ALG8: variants seen among roughly 807,000 people sequenced by gnomAD.
ALG8 encodes dolichyl pyrophosphate Glc1Man9GlcNAc2 alpha-1,3-glucosyltransferase.
Under a neutral mutation model 70.2 loss-of-function variants are expected in ALG8, and 48 were observed. The ratio of observed to expected loss-of-function variants is 0.68; its 90% confidence interval spans 0.54 to 0.87. The LOEUF is 0.87. ALG8 is among the 40% of genes least tolerant of loss of function. ALG8 has a pLI of 0.00. For synonymous variants in ALG8, 234 were observed against 229.0 expected, an observed-to-expected ratio of 1.02 and a Z score of -0.20; for missense variants, 572 against 608.7, an observed-to-expected ratio of 0.94 and a Z score of 0.64.
rs202112771 is a variant in ALG8, at chr11:78,109,441, C to A, written c.1038+1G>T. The A allele has an allele frequency of 1.0e-4, 168 of 1,613,992 alleles. No individual in the cohort carries two copies. Among genetic ancestry groups the A allele is most frequent in the Non-Finnish European group, 8.5e-6 (10 of 1,180,008 alleles). On this transcript the variant is annotated splice_donor_variant, in intron 9 of 12. Coordinates refer to ENST00000299626, the MANE Select transcript of ALG8 (RefSeq NM_024079.5). LOFTEE classifies it high-confidence loss of function. Reference sequence around the variant, plus strand: ...ATGAGCACCATCTGTTGAGTTCTTACCAATATGGCAATCAGTGTGCAGATG... The same window carrying A: ...ATGAGCACCATCTGTTGAGTTCTTAACAATATGGCAATCAGTGTGCAGATG...
intron 1 of ALG8, 138 bp from the exon 2 acceptor site, chr11:78,127,574 T>C: frequency 1.3e-6 from 1 of 766,646 alleles, no homozygotes. Flanking sequence ...CAAATAGACA[T>C]TACATAATCC....
intron 5 of ALG8, among the ~76,000 whole-genome samples, chr11:78,115,910 A>G (rs1280354462): frequency 6.6e-6 from 1 of 152,250 alleles, no homozygotes. Context: ...GAATGAGAAC[A>G]TGAACAAATA....
chr11:78,126,276 A>G (rs1861069866), intron 2 of ALG8, among the ~76,000 whole-genome samples: 1 of 152,194 alleles, frequency 6.6e-6, no homozygotes, highest in Non-Finnish European at 1.5e-5. Flanking sequence ...CACGCCTGTA[A>G]TCCCAGCAGT....
intron 4 of ALG8, 55 bp from the exon 5 acceptor site, chr11:78,119,304 A>G (rs186270173): frequency 3.2e-6 from 4 of 1,264,864 alleles, no homozygotes; most frequent in Non-Finnish European, 4.6e-6. Context: ...AATGAACTAT[A>G]CCAGCTGATG....
At chr11:78,106,342 C>T (rs1205337494) in intron 10 of ALG8, among the ~76,000 whole-genome samples, 1 of 152,112 alleles carries the variant, frequency 6.6e-6, no homozygotes, top group Non-Finnish European at 1.5e-5. Flanking sequence ...GGACTACAGG[C>T]ATGTGCCACT....
At chr11:78,130,361 A>AAAAAAAAAAAAAAAAGAAAAGAAAG (rs928560857) in intron 1 of ALG8, among the ~76,000 whole-genome samples, 2 of 132,634 alleles carry the variant, frequency 1.5e-5, no homozygotes, top group Admixed American at 7.5e-5. Flanking sequence ...AAAAAAAAAA[A>AAAAAAAAAAAAAAAAGAAAAGAAAG]AAAAAAGGTG....
intron 1 of ALG8, chr11:78,139,212 G>T (rs537300424): frequency 2.3e-5 from 11 of 473,146 alleles, no homozygotes; most frequent in Non-Finnish European, 3.5e-5. Context: ...CTGAATGGCT[G>T]TTGGAGGCAG....
At chr11:78,112,585 A>G in intron 8 of ALG8, 65 bp downstream of exon 8, 6 of 1,603,304 alleles carry the variant, frequency 3.7e-6, no homozygotes, top group Non-Finnish European at 5.1e-6. Context: ...AGGTTTTTCC[A>G]TTTCTCCATG....
intron 1 of ALG8, among the ~76,000 whole-genome samples, chr11:78,131,238 G>GA (rs1286134614): frequency 5.3e-5 from 8 of 149,820 alleles, no homozygotes; most frequent in Admixed American, 2.0e-4. Flanking sequence ...AATGACACTT[G>GA]AAAAAAAAAG....
At position 78,100,955 on chromosome 11, in the gene ALG8, T is replaced by C; in HGVS notation, c.*9A>G. The stretch of plus-strand genomic sequence containing the variant: ...AATTGCTTGGCACATATCTAAGCAG[T>C]TCCTTTATTCATTGTTTCTTTGTCT... On this transcript the variant is annotated 3_prime_UTR_variant, in exon 13 of 13. Coordinates refer to ENST00000299626, the MANE Select transcript of ALG8 (RefSeq NM_024079.5). 2 of 1,610,888 alleles carry C rather than the reference T, an allele frequency of 1.2e-6. No homozygotes were observed. The highest frequency in any genetic ancestry group is 1.7e-4 in the Middle Eastern group (1 of 6,056).
chr11:78,115,409 G>A (rs1860513351), intron 5 of ALG8, among the ~76,000 whole-genome samples: 1 of 151,420 alleles, frequency 6.6e-6, no homozygotes, highest in Non-Finnish European at 1.5e-5. Flanking sequence ...TTGAGACGGA[G>A]TTTTGTTCTT....
chr11:78,115,133 A>C (rs1195526633), intron 5 of ALG8, among the ~76,000 whole-genome samples: 5 of 152,074 alleles, frequency 3.3e-5, no homozygotes, highest in Admixed American at 6.6e-5. Flanking sequence ...CCTCGGTTCA[A>C]GCAATTCTCC....
chr11:78,139,464 G>T (rs756604368), intron 1 of ALG8, 30 bp downstream of exon 1: 3 of 1,551,152 alleles, frequency 1.9e-6, no homozygotes, highest in Non-Finnish European at 2.6e-6. Context: ...GGGCCTCCCC[G>T]CCCAGCCCCT....
At chr11:78,117,624 A>C (rs922896497) in intron 5 of ALG8, among the ~76,000 whole-genome samples, 4 of 151,716 alleles carry the variant, frequency 2.6e-5, no homozygotes, top group African/African-American at 4.8e-5. Context: ...AAAAAAAAAA[A>C]AAAATTAGCC....
At chr11:78,126,727 G>T (rs551823431) in intron 2 of ALG8, among the ~76,000 whole-genome samples, 13 of 152,066 alleles carry the variant, frequency 8.5e-5, no homozygotes, top group Non-Finnish European at 1.8e-4. Flanking sequence ...TGTGCCAGAT[G>T]AGACACTAAG....
chr11:78,118,045 T>C (rs1447071306), intron 5 of ALG8, among the ~76,000 whole-genome samples: 1 of 141,470 alleles, frequency 7.1e-6, no homozygotes, highest in African/African-American at 2.7e-5. Context: ...CACTCCAGCC[T>C]GGGAGACAGG....
chr11:78,104,257 A>C, intron 11 of ALG8, 99 bp downstream of exon 11: 1 of 1,174,960 alleles, frequency 8.5e-7, no homozygotes, highest in Non-Finnish European at 1.2e-6. Context: ...TCTCTATCCA[A>C]GAGATTTTAG....
chr11:78,116,428 G>A (rs640737), intron 5 of ALG8, among the ~76,000 whole-genome samples: 1 of 151,908 alleles, frequency 6.6e-6, no homozygotes, highest in African/African-American at 2.4e-5. Flanking sequence ...AGAAGTTATA[G>A]TAAGAATTTG....
Position 78,114,578 on chromosome 11 carries a change from G to C in ALG8, c.547-186C>G, listed in dbSNP as rs974577254. 3.3e-5 allele frequency: 23 copies of C among 695,612 alleles called. No individual in the cohort carries two copies. The African/African-American group carries it at 4.0e-4, about 12-fold the overall frequency. The allele number at this position is 695,612 out of a possible 1,614,324, so 43.1% of individuals were successfully genotyped here. Reference sequence around the variant, plus strand: ...ACCATGGTTATGTAAGGTGGTAATGGGGGAAAATGGGTGAGGGATATATAG... The same window carrying C: ...ACCATGGTTATGTAAGGTGGTAATGCGGGAAAATGGGTGAGGGATATATAG... On this transcript the variant is annotated intron_variant, in intron 5 of 12. Coordinates refer to ENST00000299626, the MANE Select transcript of ALG8 (RefSeq NM_024079.5).
Sources: allele counts gnomAD v4.1 joint callset (sites outside exome capture counted in the v4.1 genomes callset), GRCh38; gene constraint gnomAD v4.1.1; transcripts MANE v1.5; gene names NCBI Gene and HGNC (gene_info 2026-07-23, HGNC 2026-07-21).